Variants in ZNF33B observed in about 807,000 individuals in gnomAD.
The protein encoded by ZNF33B is zinc finger protein 11b (KOX 2).
A neutral mutation model predicts 45.8 loss-of-function variants in ZNF33B; 29 were observed. That is an observed-to-expected ratio of 0.63 (90% CI 0.47 to 0.86). The LOEUF (loss-of-function observed/expected upper bound fraction) is 0.86. ZNF33B is among the 40% of genes least tolerant of loss of function. The pLI is 0.00. For missense variants in ZNF33B, 831 were observed against 909.9 expected (o/e 0.91, Z 1.12); for synonymous variants, 305 against 307.8 (o/e 0.99, Z 0.10).
At position 42,590,592 on chromosome 10, in the gene ZNF33B, T is replaced by G. The variant is rs1253773241; in HGVS notation, c.*2021A>C. 6.6e-6 allele frequency: 1 copy of G among 152,146 alleles called. No individual in the cohort carries two copies. The highest frequency in any genetic ancestry group is 1.5e-5 in the Non-Finnish European group (1 of 68,028). The allele number at this position is 152,146 out of a possible 1,614,324, so 9.4% of individuals were successfully genotyped here. On this transcript the variant is annotated 3_prime_UTR_variant, in exon 5 of 5. Transcript: ENST00000359467. The stretch of plus-strand genomic sequence containing the variant: ...GCCACCGCGCCTGGTCTTGGAAGGT[T>G]ATTAATTACTGCTTCAATTTATTTA...
Position 42,593,419 on chromosome 10 carries a change from C to T in ZNF33B, c.1531G>A (p.Val511Ile). Residue 511 changes from valine to isoleucine, a missense_variant, in exon 5 of 5, where the codon GTA (valine) becomes ATA (isoleucine). Transcript: ENST00000359467. ...TGAATTATCTGATGCCTGGTGAGTA[C>T]TGACTTGTGGTAGAAAGTTTTCCCA... ...ACGKTFYHKS[V>I]LTRHQIIHTG... 1.2e-6 allele frequency: 2 copies of T among 1,613,936 alleles called. No individual in the cohort carries two copies. The highest frequency in any genetic ancestry group is 1.7e-5 in the Admixed American group (1 of 59,990).
chr10:42,596,125 A>G (rs1332905680), intron 4 of ZNF33B, among the ~76,000 whole-genome samples: 1 of 151,766 alleles, frequency 6.6e-6, no homozygotes, highest in Non-Finnish European at 1.5e-5. Context: ...CAGTCCTTAA[A>G]GAAGAAAAAA....
At chr10:42,599,218 T>C (rs1240155346) in intron 4 of ZNF33B, among the ~76,000 whole-genome samples, 4 of 152,176 alleles carry the variant, frequency 2.6e-5, no homozygotes, top group Non-Finnish European at 4.4e-5. Flanking sequence ...CCTAGAAGTT[T>C]ATCCATTTTA....
downstream of ZNF33B, among the ~76,000 whole-genome samples, chr10:42,585,916 G>T (rs931548082): frequency 6.6e-6 from 1 of 152,142 alleles, no homozygotes; most frequent in Non-Finnish European, 1.5e-5. Context: ...GATTTATCAA[G>T]ATGGCTGTCT....
At chr10:42,575,513 A>C (rs2132009510) in intron 1 of ZNF33B, among the ~76,000 whole-genome samples, 1 of 152,148 alleles carries the variant, frequency 6.6e-6, no homozygotes, top group East Asian at 1.9e-4. Flanking sequence ...AGGCCTAGGA[A>C]GCTAATACAC....
intron 1 of ZNF33B, among the ~76,000 whole-genome samples, chr10:42,583,899 C>T (rs1200101174): frequency 1.3e-5 from 2 of 152,196 alleles, no homozygotes; most frequent in East Asian, 1.9e-4. Flanking sequence ...CTGAAGAGCT[C>T]AGCCCCCAGG....
intron 4 of ZNF33B, among the ~76,000 whole-genome samples, chr10:42,615,184 C>T (rs1838261521): frequency 6.6e-6 from 1 of 152,142 alleles, no homozygotes; most frequent in Non-Finnish European, 1.5e-5. Flanking sequence ...AAGTTAAACA[C>T]AGAGACACCA....
intron 4 of ZNF33B, among the ~76,000 whole-genome samples, chr10:42,602,627 G>A (rs934680163): frequency 1.3e-5 from 2 of 152,060 alleles, no homozygotes; most frequent in Admixed American, 6.5e-5. Flanking sequence ...ACACTTTCAG[G>A]TCTTGCTTTT....
chr10:42,578,223 G>C (rs1836776602), intron 1 of ZNF33B, among the ~76,000 whole-genome samples: 1 of 152,220 alleles, frequency 6.6e-6, no homozygotes, highest in African/African-American at 2.4e-5. Flanking sequence ...AGGGCTGCAG[G>C]AAAGACCCAG....
Position 42,631,707 on chromosome 10 carries a change from G to C in ZNF33B, c.250+222C>G, listed in dbSNP as rs529089062. On this transcript the variant is annotated intron_variant, in intron 4 of 4. Coordinates refer to ENST00000359467, the MANE Select transcript of ZNF33B (RefSeq NM_006955.3). ...GGCAAAGACTGAACTATTGGCAGGT[G>C]TAAGAATGGTAAACCTTCAAAAAAT... The C allele has an allele frequency of 6.9e-5, 34 of 495,388 alleles. No homozygotes were observed. The South Asian group carries it at 1.1e-3, about 16-fold the overall frequency. The allele number at this position is 495,388 out of a possible 1,614,324, so 30.7% of individuals were successfully genotyped here. A position where few individuals can be genotyped will look rare whatever the true frequency, so the allele number is the denominator to read the frequency against.
chr10:42,591,586 A>G lies in ZNF33B; in HGVS notation c.*1027T>C. The G allele has an allele frequency of 1.9e-6, 1 of 531,930 alleles. No individual in the cohort carries two copies. Among genetic ancestry groups the G allele is most frequent in the Non-Finnish European group, 2.4e-6 (1 of 415,634 alleles). 33.0% of individuals were successfully genotyped at this position (531,930 alleles called of 1,614,324 possible). Reference sequence around the variant, plus strand: ...TTAGGATACCTACTTCCTATTCACAATTACGTTAAATACCATTATGCATAT... The same window carrying G: ...TTAGGATACCTACTTCCTATTCACAGTTACGTTAAATACCATTATGCATAT... On this transcript the variant is annotated 3_prime_UTR_variant, in exon 5 of 5. Coordinates refer to ENST00000359467, the MANE Select transcript of ZNF33B (RefSeq NM_006955.3).
At chr10:42,608,044 G>A (rs1837939695) in intron 4 of ZNF33B, among the ~76,000 whole-genome samples, 1 of 152,124 alleles carries the variant, frequency 6.6e-6, no homozygotes. Flanking sequence ...TAAGGCTGGA[G>A]TAGCTATCCT....
chr10:42,622,587 G>A (rs1422834243), intron 4 of ZNF33B, among the ~76,000 whole-genome samples: 1 of 152,120 alleles, frequency 6.6e-6, no homozygotes, highest in African/African-American at 2.4e-5. Flanking sequence ...AGAAAGAAAA[G>A]CCTTTTCTTT....
Position 42,593,141 on chromosome 10 carries a change from A to T in ZNF33B, c.1809T>A (p.His603Gln). The T allele has an allele frequency of 6.2e-7, 1 of 1,609,812 alleles. No homozygotes were observed. The stretch of plus-strand genomic sequence containing the variant: ...TACATTCATAGGGTTTCTCCCCTGT[A>T]TGTGTTCTATTATGTTTTGTTAGGT... ...KSYLTKHNRT[H>Q]TGEKPYECNE... The change falls in exon 5 of 5, where the codon CAT (histidine) becomes CAA (glutamine). Residue 603 changes from histidine to glutamine, a missense_variant. Coordinates refer to ENST00000359467, the MANE Select transcript of ZNF33B (RefSeq NM_006955.3).
intron 1 of ZNF33B, chr10:42,583,055 GTCC>G (rs1184701249): frequency 2.4e-6 from 2 of 836,064 alleles, no homozygotes; most frequent in African/African-American, 1.6e-5. Context: ...GCAGTGCAGA[GTCC>G]TCTTCTTCCA....
chr10:42,638,008 G>C (rs1205749136), intron 1 of ZNF33B, among the ~76,000 whole-genome samples: 1 of 152,186 alleles, frequency 6.6e-6, no homozygotes, highest in South Asian at 2.1e-4. Context: ...TAGGACAGAG[G>C]AACAGCAAAT....
At position 42,590,539 on chromosome 10, in the gene ZNF33B, C is replaced by G. The variant is rs1412742835; in HGVS notation, c.*2074G>C. On this transcript the variant is annotated 3_prime_UTR_variant, in exon 5 of 5. Transcript: ENST00000359467. Reference sequence around the variant, plus strand: ...AGCTTGGACTATACACGCATGCCACCACGCCCGGCTAACTTTTTGTATTTT... The same window carrying G: ...AGCTTGGACTATACACGCATGCCACGACGCCCGGCTAACTTTTTGTATTTT... The G allele has an allele frequency of 1.3e-5, 2 of 152,080 alleles. No homozygotes were observed. Among genetic ancestry groups the G allele is most frequent in the Non-Finnish European group, 2.9e-5 (2 of 68,040 alleles). 9.4% of individuals were successfully genotyped at this position (152,080 alleles called of 1,614,324 possible). A position where few individuals can be genotyped will look rare whatever the true frequency, so the allele number is the denominator to read the frequency against.
At chr10:42,587,786 TGG>T (rs1836966003), downstream of ZNF33B, among the ~76,000 whole-genome samples, 1 of 152,182 alleles carries the variant, frequency 6.6e-6, no homozygotes, top group Non-Finnish European at 1.5e-5. Context: ...TCTGGTAATC[TGG>T]GGAGAACTGG....
chr10:42,596,920 T>C (rs1036928887), intron 4 of ZNF33B, among the ~76,000 whole-genome samples: 18 of 151,980 alleles, frequency 1.2e-4, no homozygotes, highest in African/African-American at 4.3e-4. Flanking sequence ...TCTCCTTTCT[T>C]TTTCTTCCTT....
Sources: gnomAD v4.1 joint callset for allele counts (sites outside exome capture counted in the v4.1 genomes callset) on GRCh38, gnomAD v4.1.1 for gene constraint, MANE v1.5 for transcripts, NCBI Gene and HGNC (gene_info 2026-07-23, HGNC 2026-07-21) for gene names.